The following MRPL20 variants were observed in gnomAD, a reference collection of about 807,000 sequenced individuals.
MRPL20 encodes large ribosomal subunit protein bL20m.
MRPL20 carries 21 observed loss-of-function variants against 20.0 expected under a neutral mutation model. That is an observed-to-expected ratio of 1.05 (90% confidence interval 0.74 to 1.51). The LOEUF (loss-of-function observed/expected upper bound fraction) is 1.51. MRPL20 is among the 40% of genes most tolerant of loss of function. The pLI is 0.00. For synonymous variants in MRPL20, 104 were observed against 73.0 expected, an observed-to-expected ratio of 1.43 and a Z score of -2.17; for missense variants, 252 against 185.6, an observed-to-expected ratio of 1.36 and a Z score of -2.08.
At chr1:1,402,831 AG>A (rs1483117387) in intron 3 of MRPL20, among the ~76,000 whole-genome samples, 8 of 152,080 alleles carry the variant, frequency 5.3e-5, no homozygotes, top group Admixed American at 6.5e-5. Context: ...AAAAAATACA[AG>A]AAAAAAAACC....
At position 1,401,992 on chromosome 1, in the gene MRPL20, G is replaced by C; in HGVS notation, c.*91C>G. 7.1e-7 allele frequency: 1 copy of C among 1,407,842 alleles called. No homozygotes were observed. The highest frequency in any genetic ancestry group is 2.3e-5 in the East Asian group (1 of 43,110). 87.2% of individuals were successfully genotyped at this position (1,407,842 alleles called of 1,614,324 possible). A position where few individuals can be genotyped will look rare whatever the true frequency, so the allele number is the denominator to read the frequency against. ...CCAGAGAGACAGGGCCATCCCTCAT[G>C]TCTGTTATTGGGTTGTAGATAAACA... On this transcript the variant is annotated 3_prime_UTR_variant, in exon 4 of 4. Transcript: ENST00000344843.
chr1:1,404,157 CTTT>C (rs770147398), intron 3 of MRPL20, among the ~76,000 whole-genome samples: 3 of 145,524 alleles, frequency 2.1e-5, no homozygotes, highest in African/African-American at 7.5e-5. Context: ...ATTGTTTTAA[CTTT>C]TTTTTTTTTT....
At position 1,402,162 on chromosome 1, in the gene MRPL20, C is replaced by T. The variant is rs779206797; in HGVS notation, c.371G>A (p.Arg124Gln). 1.4e-5 allele frequency: 22 copies of T among 1,613,966 alleles called. No individual in the cohort carries two copies. The highest frequency in any genetic ancestry group is 5.3e-5 in the African/African-American group (4 of 74,918). The change falls in exon 4 of 4, where the codon CGA (arginine) becomes CAA (glutamine). Residue 124 changes from arginine (R) to glutamine (Q), a missense_variant. By Grantham distance (43) the Arg-to-Gln change is conservative (BLOSUM62 1). Coordinates refer to ENST00000344843, the MANE Select transcript of MRPL20 (RefSeq NM_017971.4). ...KSLAALASRR[R>Q]HEGFAAALGD... The stretch of plus-strand genomic sequence containing the variant: ...CAAGGCAGCAGCAAATCCTTCGTGT[C>T]GCCTCCTACTGGCCAAGGCAGCCAA...
chr1:1,407,075 T>C (rs370783364), intron 1 of MRPL20, 56 bp from the exon 2 acceptor site: 4 of 1,608,500 alleles, frequency 2.5e-6, no homozygotes, highest in Non-Finnish European at 8.5e-7. Context: ...CGGCCGCCCC[T>C]TGGCCCGCGG....
At position 1,402,066 on chromosome 1, in the gene MRPL20, C is replaced by G. The variant is rs1570061772; in HGVS notation, c.*17G>C. The G allele has an allele frequency of 6.3e-7, 1 of 1,592,200 alleles. No homozygotes were observed. Among genetic ancestry groups the G allele is most frequent in the Non-Finnish European group, 8.5e-7 (1 of 1,170,694 alleles). The stretch of plus-strand genomic sequence containing the variant: ...AAATTACTCTGTCTCTTTTCCTAAT[C>G]AATACAGCAACAGTCCTCAGTGGTA... On this transcript the variant is annotated 3_prime_UTR_variant, in exon 4 of 4. Coordinates refer to ENST00000344843, the MANE Select transcript of MRPL20 (RefSeq NM_017971.4).
At chr1:1,403,238 C>G (rs780817174) in intron 3 of MRPL20, among the ~76,000 whole-genome samples, 1 of 145,216 alleles carries the variant, frequency 6.9e-6, no homozygotes, top group South Asian at 2.1e-4. Flanking sequence ...CAAAGTCTGT[C>G]TCCTTTCTTT....
Position 1,401,935 on chromosome 1 carries a change from CA to C in MRPL20, c.*147del, listed in dbSNP as rs1220445127. 2 of 950,866 alleles carry C rather than the reference CA, an allele frequency of 2.1e-6. No homozygotes were observed. Among genetic ancestry groups the C allele is most frequent in the Non-Finnish European group, 3.1e-6 (2 of 645,516 alleles). 58.9% of individuals were successfully genotyped at this position (950,866 alleles called of 1,614,324 possible). On this transcript the variant is annotated 3_prime_UTR_variant, in exon 4 of 4. Coordinates refer to ENST00000344843, the MANE Select transcript of MRPL20 (RefSeq NM_017971.4). ...GAAGAGTGTTTGAGTTTCATTCACACAAAACATGGACATCATCTGTGAGGCT... is the reference window on the plus strand; with the variant it reads ...GAAGAGTGTTTGAGTTTCATTCACACAAACATGGACATCATCTGTGAGGCT...
At chr1:1,403,832 C>G (rs150942660) in intron 3 of MRPL20, among the ~76,000 whole-genome samples, 1 of 152,266 alleles carries the variant, frequency 6.6e-6, no homozygotes, top group African/African-American at 2.4e-5. Context: ...TCAGAAATCA[C>G]TCATTATTAA....
chr1:1,402,189 G>T lies in MRPL20; in HGVS notation c.344C>A (p.Ser115Tyr). The T allele has an allele frequency of 6.2e-7, 1 of 1,614,080 alleles. No individual in the cohort carries two copies. The highest frequency in any genetic ancestry group is 1.3e-5 in the African/African-American group (1 of 75,032). Residue 115 changes from serine to tyrosine, a missense_variant, in exon 4 of 4, where the codon TCT (serine) becomes TAT (tyrosine). Coordinates refer to ENST00000344843, the MANE Select transcript of MRPL20 (RefSeq NM_017971.4). ...LAIYEPKTFK[S>Y]LAALASRRRH... Reference sequence around the variant, plus strand: ...CCTCCTACTGGCCAAGGCAGCCAAAGATTTGAAAGTCTTTGGCTCGTAGAT... The same window carrying T: ...CCTCCTACTGGCCAAGGCAGCCAAATATTTGAAAGTCTTTGGCTCGTAGAT...
chr1:1,403,343 A>G (rs1570064814), intron 3 of MRPL20, among the ~76,000 whole-genome samples: 1 of 151,522 alleles, frequency 6.6e-6, no homozygotes, highest in South Asian at 2.1e-4. Context: ...TCCCAGGTTC[A>G]TGCCATTCTC....
At position 1,407,139 on chromosome 1, in the gene MRPL20, G is replaced by A. The variant is rs761389193; in HGVS notation, c.79C>T (p.His27Tyr). Reference protein sequence around the residue: ...RYFRIQEVLKHARHFRGRKNR... With the variant: ...RYFRIQEVLKYARHFRGRKNR... Reference sequence around the variant, plus strand: ...GGGCAGGCGGCACTCACCCTGGCGTGCTTCAGCACCTCCTGGATCCGAAAG... The same window carrying A: ...GGGCAGGCGGCACTCACCCTGGCGTACTTCAGCACCTCCTGGATCCGAAAG... Residue 27 changes from histidine to tyrosine, a missense_variant, in exon 1 of 4, where the codon CAC (histidine) becomes TAC (tyrosine). By Grantham distance (83) the His-to-Tyr change is moderately conservative. Transcript: ENST00000344843. 33 of 1,607,218 alleles carry A rather than the reference G, an allele frequency of 2.1e-5. No homozygotes were observed. In the South Asian group the frequency reaches 3.5e-4, roughly 17 times the overall value.
rs1024320891 is a variant in MRPL20 at position 1,407,288 on chromosome 1, G to A, written c.-71C>T. 7 of 1,366,918 alleles carry A rather than the reference G, an allele frequency of 5.1e-6. No homozygotes were observed. In the African/African-American group the frequency reaches 8.7e-5, roughly 17 times the overall value. 84.7% of individuals were successfully genotyped at this position (1,366,918 alleles called of 1,614,324 possible). A position where few individuals can be genotyped will look rare whatever the true frequency, so the allele number is the denominator to read the frequency against. ...GCGCCGCTGCCATCTTGCCCGGGTC[G>A]GAAATGGTGGTCACGAGCGCTTCCG... On this transcript the variant is annotated 5_prime_UTR_variant, in exon 1 of 4. Coordinates refer to ENST00000344843, the MANE Select transcript of MRPL20 (RefSeq NM_017971.4).
chr1:1,405,535 G>A (rs1425131387), intron 3 of MRPL20: 5 of 627,702 alleles, frequency 8.0e-6, no homozygotes, highest in Non-Finnish European at 8.6e-6. Context: ...TCATCAACAT[G>A]GGAATTGTGA....
intron 3 of MRPL20, among the ~76,000 whole-genome samples, chr1:1,404,157 C>CT (rs770147398): frequency 0.015 from 2,175 of 145,428 alleles, 23 homozygotes; most frequent in Non-Finnish European, 0.024. Context: ...ATTGTTTTAA[C>CT]TTTTTTTTTT....
At chr1:1,403,392 C>T (rs555463347) in intron 3 of MRPL20, among the ~76,000 whole-genome samples, 2 of 151,508 alleles carry the variant, frequency 1.3e-5, no homozygotes, top group African/African-American at 2.4e-5. Context: ...TACAGGTGCC[C>T]GCCACCGCAC....
At chr1:1,402,826 A>G (rs1205052339) in intron 3 of MRPL20, among the ~76,000 whole-genome samples, 2 of 152,082 alleles carry the variant, frequency 1.3e-5, no homozygotes, top group Non-Finnish European at 2.9e-5. Context: ...GTACTAAAAA[A>G]TACAAGAAAA....
intron 3 of MRPL20, among the ~76,000 whole-genome samples, chr1:1,404,707 G>C (rs1197415067): frequency 6.6e-6 from 1 of 152,004 alleles, no homozygotes. Context: ...TCACCTGTTA[G>C]CCAGGATGGT....
chr1:1,405,299 G>C (rs555066715), intron 3 of MRPL20: 18 of 246,848 alleles, frequency 7.3e-5, no homozygotes, highest in African/African-American at 3.4e-4. Flanking sequence ...TCTGTCAGAC[G>C]GGGTCCTGCT....
intron 3 of MRPL20, 56 bp from the exon 4 acceptor site, chr1:1,402,312 C>T (rs926371672): frequency 1.6e-5 from 24 of 1,537,202 alleles, no homozygotes; most frequent in South Asian, 1.1e-4. Flanking sequence ...ACTCCGGCTC[C>T]GCGTGGTTGC....
Sources: allele counts gnomAD v4.1 joint callset (sites outside exome capture counted in the v4.1 genomes callset), GRCh38; gene constraint gnomAD v4.1.1; transcripts MANE v1.5; gene names NCBI Gene and HGNC (gene_info 2026-07-23, HGNC 2026-07-21).